Variants in PRSS58 observed in about 807,000 individuals in gnomAD.
PRSS58 encodes the protein protease, serine 58.
In PRSS58, 31 loss-of-function variants were observed where a neutral mutation model predicts 25.0. The observed-to-expected ratio is 1.24, with a 90% CI of 0.93 to 1.67. PRSS58 has a LOEUF of 1.67. Among genes scored for constraint, PRSS58 ranks in the 40% most tolerant of loss-of-function variants. The pLI is 0.00. For missense variants in PRSS58, 324 were observed against 287.9 expected (o/e 1.13, Z -0.91); for synonymous variants, 119 against 106.1 (o/e 1.12, Z -0.75).
At chr7:142,255,405 G>C in intron 3 of PRSS58, 94 bp from the exon 4 acceptor site, 1 of 1,572,436 alleles carries the variant, frequency 6.4e-7, no homozygotes, top group Non-Finnish European at 8.7e-7. Context: ...ACCTTTTTCT[G>C]TACCCTCGTA....
intron 2 of PRSS58, among the ~76,000 whole-genome samples, chr7:142,256,223 A>G (rs544371255): frequency 6.6e-6 from 1 of 152,360 alleles, no homozygotes; most frequent in Non-Finnish European, 1.5e-5. Context: ...TATAGTGAAC[A>G]AAGTAGATAT....
intron 4 of PRSS58, among the ~76,000 whole-genome samples, chr7:142,253,630 T>A (rs569419989): frequency 6.9e-6 from 1 of 144,706 alleles, no homozygotes; most frequent in African/African-American, 2.8e-5. Context: ...ATGTTTTTAT[T>A]TGAAAATAAT....
At position 142,255,614 on chromosome 7, in the gene PRSS58, A is replaced by G. The variant is rs150680222; in HGVS notation, c.100T>C (p.Leu34=). The change falls in exon 3 of 6, where the codon TTG becomes CTG. Residue 34 remains leucine (L), a synonymous_variant. Coordinates refer to ENST00000547058, the MANE Select transcript of PRSS58 (RefSeq NM_001001317.5). The part of the protein sequence containing the change: ...VSSTPPYLVY[L]KSDYLPCAGV... The stretch of plus-strand genomic sequence containing the variant: ...GCGCAGGGCAAGTAGTCAGATTTCA[A>G]ATAGACCAAGTAAGGGGGAGTGGAG... 137 of 1,613,990 alleles carry G rather than the reference A, an allele frequency of 8.5e-5. No individual in the cohort carries two copies. The highest frequency in any genetic ancestry group is 1.1e-4 in the Non-Finnish European group (133 of 1,179,978).
At position 142,257,658 on chromosome 7, in the gene PRSS58, A is replaced by G; in HGVS notation, c.40+10T>C. 6.2e-7 allele frequency: 1 copy of G among 1,609,620 alleles called. No individual in the cohort carries two copies. Among genetic ancestry groups the G allele is most frequent in the Non-Finnish European group, 8.5e-7 (1 of 1,176,108 alleles). ...TTGGTGGGTAAAGAGACAAATATGCACACACTCACCAGTCAGATTCAAGAG... is the reference window on the plus strand; with the variant it reads ...TTGGTGGGTAAAGAGACAAATATGCGCACACTCACCAGTCAGATTCAAGAG... On this transcript the variant is annotated intron_variant, in intron 2 of 5. Coordinates refer to ENST00000547058, the MANE Select transcript of PRSS58 (RefSeq NM_001001317.5).
At position 142,254,559 on chromosome 7, in the gene PRSS58, A is replaced by G. The variant is rs184525475; in HGVS notation, c.436+496T>C. ...ATGTTTATTTCAGAAGTTCTTTTTA[A>G]AACTTTAACTCTGTATCTTTATTAA... On this transcript the variant is annotated intron_variant, in intron 4 of 5. Coordinates refer to ENST00000547058, the MANE Select transcript of PRSS58 (RefSeq NM_001001317.5). Among the ~76,000 whole-genome samples, 26 of 152,324 alleles carry G rather than the reference A, an allele frequency of 1.7e-4. No homozygotes were observed. The East Asian group carries it at 4.8e-3, about 28-fold the overall frequency.
At position 142,255,249 on chromosome 7, in the gene PRSS58, A is replaced by G. The variant is rs532042510; in HGVS notation, c.242T>C (p.Val81Ala). The change falls in exon 4 of 6, where the codon GTG (valine) becomes GCG (alanine). Residue 81 changes from valine (V) to alanine (A), a missense_variant. Coordinates refer to ENST00000547058, the MANE Select transcript of PRSS58 (RefSeq NM_001001317.5). ...ATGAATCATCTTCTCATAGCCAATCACTTGCAGATGCTTTTCATTAGAGTC... is the reference window on the plus strand; with the variant it reads ...ATGAATCATCTTCTCATAGCCAATCGCTTGCAGATGCTTTTCATTAGAGTC... ...PADSNEKHLQVIGYEKMIHHP... is the reference protein window; with the variant it reads ...PADSNEKHLQAIGYEKMIHHP... The G allele has an allele frequency of 6.2e-7, 1 of 1,613,796 alleles. No individual in the cohort carries two copies. Among genetic ancestry groups the G allele is most frequent in the South Asian group, 1.1e-5 (1 of 91,072 alleles).
intron 4 of PRSS58, among the ~76,000 whole-genome samples, chr7:142,254,594 TAAGG>T (rs1445004863): frequency 2.6e-5 from 4 of 152,196 alleles, no homozygotes; most frequent in Admixed American, 6.5e-5. Flanking sequence ...AAATCTTACA[TAAGG>T]AAGTTCTATC....
In PRSS58 at chr7:142,252,386, T is replaced by C. The variant is rs764111941; in HGVS notation, c.577-16A>G. On this transcript the variant is annotated splice_polypyrimidine_tract_variant and intron_variant, in intron 5 of 5. Transcript: ENST00000547058. ...CAGAAACTTCCTGCCAGGAAAACAATAATAACAACAACAAAAAAGCAGATT... is the reference window on the plus strand; with the variant it reads ...CAGAAACTTCCTGCCAGGAAAACAACAATAACAACAACAAAAAAGCAGATT... The C allele has an allele frequency of 6.2e-6, 10 of 1,611,064 alleles. No individual in the cohort carries two copies. Among genetic ancestry groups the C allele is most frequent in the South Asian group, 4.4e-5 (4 of 90,326 alleles).
intron 4 of PRSS58, 21 bp downstream of exon 4, chr7:142,255,034 A>G: frequency 6.2e-7 from 1 of 1,611,324 alleles, no homozygotes; most frequent in Non-Finnish European, 8.5e-7. Flanking sequence ...TTCTGAGAGA[A>G]GAACATTGTC....
Position 142,252,338 on chromosome 7 carries a change from C to G in PRSS58, c.609G>C (p.Gly203=), listed in dbSNP as rs1798481371. 6.2e-7 allele frequency: 1 copy of G among 1,613,886 alleles called. No homozygotes were observed. Among genetic ancestry groups the G allele is most frequent in the Non-Finnish European group, 8.5e-7 (1 of 1,179,990 alleles). The change falls in exon 6 of 6, where the codon GGG becomes GGC. Residue 203 remains glycine, a synonymous_variant. Coordinates refer to ENST00000547058, the MANE Select transcript of PRSS58 (RefSeq NM_001001317.5). ...CAAAAGACAGGATTCCTTGAAGCAT[C>G]CCATTGCAGATTGCCGGGGCAGCAG... is the stretch of plus-strand genomic sequence containing the variant. ...EVSAAPAICN[G]MLQGILSFAD...
chr7:142,257,764 G>T lies in PRSS58; in HGVS notation c.-41-16C>A, dbSNP rs1798582875. The T allele has an allele frequency of 1.5e-6, 2 of 1,368,158 alleles. No homozygotes were observed. The highest frequency in any genetic ancestry group is 2.9e-5 in the African/African-American group (2 of 69,936). The allele number at this position is 1,368,158 out of a possible 1,614,324, so 84.8% of individuals were successfully genotyped here. ...CTCTGGAAAACTGGGAAGAGAGAGA[G>T]AAAACAACTAAATAAAACAAAGCAA... On this transcript the variant is annotated splice_polypyrimidine_tract_variant and intron_variant, in intron 1 of 5. Coordinates refer to ENST00000547058, the MANE Select transcript of PRSS58 (RefSeq NM_001001317.5).
chr7:142,255,238 C>T lies in PRSS58; in HGVS notation c.253G>A (p.Glu85Lys). 6.2e-7 allele frequency: 1 copy of T among 1,613,956 alleles called. No homozygotes were observed. Among genetic ancestry groups the T allele is most frequent in the South Asian group, 1.1e-5 (1 of 91,084 alleles). The change falls in exon 4 of 6, where the codon GAG becomes AAG. Residue 85 changes from glutamate to lysine, a missense_variant. Transcript: ENST00000547058. ...AAGTGTGGATGATGAATCATCTTCT[C>T]ATAGCCAATCACTTGCAGATGCTTT... ...NEKHLQVIGY[E>K]KMIHHPHFSV...
At position 142,255,524 on chromosome 7, in the gene PRSS58, T is replaced by G; in HGVS notation, c.179+11A>C. 6.2e-7 allele frequency: 1 copy of G among 1,614,024 alleles called. No homozygotes were observed. The highest frequency in any genetic ancestry group is 8.5e-7 in the Non-Finnish European group (1 of 1,179,970). ...CAAAGAATGGAGTGCCTTTGAAGGC[T>G]TATCACTCACGGTAAATTGCAGTGT... On this transcript the variant is annotated intron_variant, in intron 3 of 5. Transcript: ENST00000547058.
intron 3 of PRSS58, 96 bp from the exon 4 acceptor site, chr7:142,255,407 A>C: frequency 6.4e-7 from 1 of 1,571,780 alleles, no homozygotes; most frequent in Admixed American, 1.7e-5. Context: ...CTTTTTCTGT[A>C]CCCTCGTATG....
Position 142,255,690 on chromosome 7 carries a change from A to G in PRSS58, c.41-17T>C, listed in dbSNP as rs1798546006. On this transcript the variant is annotated splice_polypyrimidine_tract_variant and intron_variant, in intron 2 of 5. Transcript: ENST00000547058. ...CCAAAGCAACTGGAAAGAGAAGCAT[A>G]GACAAGAAATTCCAAGATTTCTCAG... 1.3e-6 allele frequency: 2 copies of G among 1,574,274 alleles called. No homozygotes were observed. Among genetic ancestry groups the G allele is most frequent in the African/African-American group, 1.4e-5 (1 of 73,426 alleles).
chr7:142,255,685 A>G lies in PRSS58; in HGVS notation c.41-12T>C. On this transcript the variant is annotated splice_polypyrimidine_tract_variant and intron_variant, in intron 2 of 5. Transcript: ENST00000547058. The stretch of plus-strand genomic sequence containing the variant: ...AAAGGCCAAAGCAACTGGAAAGAGA[A>G]GCATAGACAAGAAATTCCAAGATTT... 2 of 1,577,996 alleles carry G rather than the reference A, an allele frequency of 1.3e-6. No individual in the cohort carries two copies. The highest frequency in any genetic ancestry group is 1.7e-6 in the Non-Finnish European group (2 of 1,161,222).
At chr7:142,252,689 T>C (rs1798489187) in intron 4 of PRSS58, 78 bp from the exon 5 acceptor site, 2 of 1,445,526 alleles carry the variant, frequency 1.4e-6, no homozygotes. Flanking sequence ...CTTTTCTTCT[T>C]CTACCATCAG....
Position 142,255,303 on chromosome 7 carries a change from C to A in PRSS58, c.188G>T (p.Arg63Leu), listed in dbSNP as rs138718517. The A allele has an allele frequency of 6.2e-7, 1 of 1,613,580 alleles. No homozygotes were observed. Among genetic ancestry groups the A allele is most frequent in the Admixed American group, 1.7e-5 (1 of 60,008 alleles). Residue 63 changes from arginine (R) to leucine (L), a missense_variant, in exon 4 of 6, where the codon CGG (arginine) becomes CTG (leucine). Arg to Leu is a moderately radical substitution (Grantham distance 102). Coordinates refer to ENST00000547058, the MANE Select transcript of PRSS58 (RefSeq NM_001001317.5). ...TAAHCNLPKL[R>L]VILGVTIPAD... ...TGGGATTGTAACCCCCAATATCACCCGAAGCTTTCTGGAACAATATAGACG... is the reference window on the plus strand; with the variant it reads ...TGGGATTGTAACCCCCAATATCACCAGAAGCTTTCTGGAACAATATAGACG...
chr7:142,252,300 A>G lies in PRSS58; in HGVS notation c.647T>C (p.Val216Ala), dbSNP rs1441414020. 1.5e-5 allele frequency: 24 copies of G among 1,614,046 alleles called. No homozygotes were observed. The highest frequency in any genetic ancestry group is 1.8e-5 in the Non-Finnish European group (21 of 1,180,028). Residue 216 changes from valine to alanine, a missense_variant, in exon 6 of 6, where the codon GTT becomes GCT. Val to Ala is a moderately conservative substitution (Grantham distance 64). Transcript: ENST00000547058. ...QGILSFADGCVLRADVGIYAK... is the reference protein window; with the variant it reads ...QGILSFADGCALRADVGIYAK... ...ATAGATGCCAACATCAGCTCTCAAAACACATCCATCCGCAAAAGACAGGAT... is the reference window on the plus strand; with the variant it reads ...ATAGATGCCAACATCAGCTCTCAAAGCACATCCATCCGCAAAAGACAGGAT...
Sources: gnomAD v4.1 joint callset for allele counts (sites outside exome capture counted in the v4.1 genomes callset) on GRCh38, gnomAD v4.1.1 for gene constraint, MANE v1.5 for transcripts, NCBI Gene and HGNC (gene_info 2026-07-23, HGNC 2026-07-21) for gene names.